RORC: variants seen among roughly 807,000 people sequenced by gnomAD.
RORC encodes RAR related orphan receptor C.
Under a neutral mutation model 64.5 loss-of-function variants are expected in RORC, and 13 were observed. The ratio of observed to expected loss-of-function variants is 0.20; its 90% CI spans 0.13 to 0.32. The LOEUF (loss-of-function observed/expected upper bound fraction) is 0.32, where lower values mean the gene tolerates loss of function less well. Ranked by LOEUF, RORC falls within the 10% of genes least tolerant of loss-of-function variation. The pLI, the probability that RORC is intolerant of heterozygous loss-of-function variation, is 1.00. For synonymous variants in RORC, 277 were observed against 259.3 expected (o/e 1.07, Z -0.65); for missense variants, 468 against 669.5 (o/e 0.70, Z 3.32).
In RORC at chr1:151,813,062, T is replaced by A. The variant is rs1651600339; in HGVS notation, c.1175-5A>T. 6.2e-7 allele frequency: 1 copy of A among 1,607,390 alleles called. No homozygotes were observed. The highest frequency in any genetic ancestry group is 1.3e-5 in the African/African-American group (1 of 74,776). On this transcript the variant is annotated splice_polypyrimidine_tract_variant and splice_region_variant and intron_variant, in intron 8 of 10. Transcript: ENST00000318247. ...AGCTGATGAGCTCGCTGCAGCCTGA[T>A]GGAGTGGAAATGAGAAAAGTGAGAG...
In RORC at chr1:151,829,420, C is replaced by G; in HGVS notation, c.70+9G>C. The G allele has an allele frequency of 6.5e-7, 1 of 1,536,296 alleles. No homozygotes were observed. ...CCAGCCATTTTCTTGCCCCGGACCC[C>G]CTACTCACAGGTGTGGGTCTTCTTT... On this transcript the variant is annotated intron_variant, in intron 2 of 10. Transcript: ENST00000318247.
At position 151,807,193 on chromosome 1, in the gene RORC, C is replaced by G. The variant is rs1427767302; in HGVS notation, c.*279G>C. 6.5e-5 allele frequency: 23 copies of G among 355,466 alleles called. No homozygotes were observed. The Admixed American group carries it at 1.0e-3, about 16-fold the overall frequency. 22.0% of individuals were successfully genotyped at this position (355,466 alleles called of 1,614,324 possible). A position where few individuals can be genotyped will look rare whatever the true frequency, so the allele number is the denominator to read the frequency against. On this transcript the variant is annotated 3_prime_UTR_variant, in exon 11 of 11. Transcript: ENST00000318247. The surrounding 1 kb of genome is among the most constrained non-coding windows in gnomAD (Gnocchi z 5.0). ...CCAGAAGTCCTTAAATCCCAGCCACCCCATGCCTTCCAGAAGCTGGGTGTG... is the reference window on the plus strand; with the variant it reads ...CCAGAAGTCCTTAAATCCCAGCCACGCCATGCCTTCCAGAAGCTGGGTGTG...
Position 151,814,621 on chromosome 1 carries a change from G to A in RORC, c.886C>T (p.Arg296Cys). 2 of 1,612,400 alleles carry A rather than the reference G, an allele frequency of 1.2e-6. No homozygotes were observed. Among genetic ancestry groups the A allele is most frequent in the Non-Finnish European group, 1.7e-6 (2 of 1,179,266 alleles). ...QLRLEDLLRQ[R>C]SNIFSREEVT... The stretch of plus-strand genomic sequence containing the variant: ...TCCTCCCGGGAGAAGATGTTGGAGC[G>A]CTGCCGCAGCAGGTCCTCCAGCCGC... The change falls in exon 6 of 11, where the codon CGC becomes TGC. Residue 296 changes from arginine to cysteine, a missense_variant. This residue lies in a region of RORC where 100 missense variants were observed against 190.8 expected (regional missense o/e 0.52). Transcript: ENST00000318247.
At chr1:151,823,736 G>A (rs1334497937) in intron 2 of RORC, among the ~76,000 whole-genome samples, 1 of 152,092 alleles carries the variant, frequency 6.6e-6, no homozygotes, top group East Asian at 1.9e-4. Context: ...GAACTCCTGG[G>A]CTCAAACGAT....
chr1:151,816,917 A>G (rs1247687978), intron 3 of RORC, 112 bp from the exon 4 acceptor site: 12 of 1,164,724 alleles, frequency 1.0e-5, no homozygotes, highest in Non-Finnish European at 1.4e-5. Context: ...ACGACCTGTC[A>G]GTTTTCTCTC....
Position 151,815,333 on chromosome 1 carries a change from C to T in RORC, c.391G>A (p.Glu131Lys). Reference protein sequence around the residue: ...QLQQRQQQQQEPVVKTPPAGA... With the variant: ...QLQQRQQQQQKPVVKTPPAGA... ...GCTGGAGGGGTCTTGACCACTGGTT[C>T]CTGTTGCTGCTGTTGCCGCTGCTGC... The change falls in exon 5 of 11, where the codon GAA becomes AAA. Residue 131 changes from glutamate to lysine, a missense_variant. By Grantham distance (56) the Glu-to-Lys change is moderately conservative. Around this residue, in one of 5 missense-constraint regions of RORC, gnomAD observed 241 missense variants for 295.5 expected, o/e 0.82. Coordinates refer to ENST00000318247, the MANE Select transcript of RORC (RefSeq NM_005060.4). 2 of 1,599,280 alleles carry T rather than the reference C, an allele frequency of 1.3e-6. No homozygotes were observed. Among genetic ancestry groups the T allele is most frequent in the Non-Finnish European group, 1.7e-6 (2 of 1,171,228 alleles).
At position 151,829,432 on chromosome 1, in the gene RORC, T is replaced by C. The variant is rs1454953785; in HGVS notation, c.67A>G (p.Thr23Ala). ...RELLAAKKTH[T>A]SQIEVIPCKI... is the part of the protein sequence containing the mutation. ...TTGCCCCGGACCCCCTACTCACAGG[T>C]GTGGGTCTTCTTTGCAGCCAGCAGC... The change falls in exon 2 of 11, where the codon ACC (threonine) becomes GCC (alanine). Residue 23 changes from threonine to alanine, a missense_variant. Physicochemically the swap from Thr to Ala is moderately conservative, Grantham distance 58. This residue lies in a region of RORC where 13 missense variants were observed against 46.0 expected (regional missense o/e 0.28). Transcript: ENST00000318247. 2.0e-6 allele frequency: 3 copies of C among 1,536,686 alleles called. No homozygotes were observed. The South Asian group carries it at 3.8e-5, about 19-fold the overall frequency.
In RORC at chr1:151,811,397, CTGTTCTACTTTCCTT is replaced by C. The variant is rs1651522975; in HGVS notation, c.1308_1322del (p.Arg437_Gln441del). ...AGGCCAGCTCCAGATTGTACTGCAG[CTGTTCTACTTTCCTT>C]TTCTCTTGGAGCCCTGGCCGATCTG... is the stretch of plus-strand genomic sequence containing the variant. On this transcript the variant is annotated inframe_deletion, in exon 10 of 11. Coordinates refer to ENST00000318247, the MANE Select transcript of RORC (RefSeq NM_005060.4). 1 of 1,613,898 alleles carries C rather than the reference CTGTTCTACTTTCCTT, an allele frequency of 6.2e-7. No individual in the cohort carries two copies. The highest frequency in any genetic ancestry group is 1.3e-5 in the African/African-American group (1 of 74,926).
chr1:151,821,825 A>C (rs1172116523), intron 2 of RORC, among the ~76,000 whole-genome samples: 1 of 152,134 alleles, frequency 6.6e-6, no homozygotes, highest in Non-Finnish European at 1.5e-5. Flanking sequence ...GAATTCACAG[A>C]GGAAACCCAC....
rs1651693846 is a variant in RORC at position 151,814,855 on chromosome 1, T to C, written c.811+58A>G. 4.4e-6 allele frequency: 7 copies of C among 1,574,320 alleles called. No individual in the cohort carries two copies. The Admixed American group carries it at 1.2e-4, about 27-fold the overall frequency. On this transcript the variant is annotated intron_variant, in intron 5 of 10. Coordinates refer to ENST00000318247, the MANE Select transcript of RORC (RefSeq NM_005060.4). ...AGGCGCATGTTTGATTGATACGGGG[T>C]ACTGGTGGAAACCCCTCCCTCATCT...
At chr1:151,809,572 G>A (rs532058310) in intron 10 of RORC, among the ~76,000 whole-genome samples, 2 of 152,154 alleles carry the variant, frequency 1.3e-5, no homozygotes, top group South Asian at 4.1e-4. Context: ...TAAAGTCCAA[G>A]TGAAAGCTGA....
chr1:151,819,429 G>A (rs1439162625), intron 2 of RORC, among the ~76,000 whole-genome samples: 1 of 152,198 alleles, frequency 6.6e-6, no homozygotes, highest in African/African-American at 2.4e-5. Context: ...GCAAGGCTGA[G>A]AGGAGCACTC....
At chr1:151,813,113 G>C (rs1651603367) in intron 8 of RORC, 56 bp from the exon 9 acceptor site, 2 of 1,480,986 alleles carry the variant, frequency 1.4e-6, no homozygotes, top group South Asian at 2.3e-5. Flanking sequence ...GGTGCCCGAG[G>C]ACACCGCCCT....
chr1:151,815,960 C>T (rs972533020), intron 4 of RORC, among the ~76,000 whole-genome samples: 5 of 152,234 alleles, frequency 3.3e-5, no homozygotes, highest in African/African-American at 1.2e-4. Context: ...CTCCCCCCGC[C>T]ACCCCTCCCA....
chr1:151,821,070 C>T (rs1207364041), intron 2 of RORC, among the ~76,000 whole-genome samples: 1 of 152,188 alleles, frequency 6.6e-6, no homozygotes, highest in Non-Finnish European at 1.5e-5. Flanking sequence ...AGTAGCTCCT[C>T]CTATGAGGGG....
chr1:151,806,540 C>A lies in RORC; in HGVS notation c.*932G>T, dbSNP rs200724431. 5 of 152,274 alleles carry A rather than the reference C, an allele frequency of 3.3e-5. No individual in the cohort carries two copies. Among genetic ancestry groups the A allele is most frequent in the Non-Finnish European group, 7.3e-5 (5 of 68,030 alleles). The allele number at this position is 152,274 out of a possible 1,614,324, so 9.4% of individuals were successfully genotyped here. A position where few individuals can be genotyped will look rare whatever the true frequency, so the allele number is the denominator to read the frequency against. ...GACCCAAGATCAGTGGACTGGAGCA[C>A]CATGGAAATGTTTGGGAGGGTCCCT... is the stretch of plus-strand genomic sequence containing the variant. On this transcript the variant is annotated 3_prime_UTR_variant, in exon 11 of 11. Coordinates refer to ENST00000318247, the MANE Select transcript of RORC (RefSeq NM_005060.4).
Position 151,814,961 on chromosome 1 carries a change from T to C in RORC, c.763A>G (p.Ser255Gly), listed in dbSNP as rs76527589. The change falls in exon 5 of 11, where the codon AGT (serine) becomes GGT (glycine). Residue 255 changes from serine to glycine, a missense_variant. By Grantham distance (56) the Ser-to-Gly change is moderately conservative. This residue lies in a region of RORC where 241 missense variants were observed against 295.5 expected (regional missense o/e 0.82). Coordinates refer to ENST00000318247, the MANE Select transcript of RORC (RefSeq NM_005060.4). Reference protein sequence around the residue: ...GQGPDSYGSPSFRSTPEAPYA... With the variant: ...GQGPDSYGSPGFRSTPEAPYA... ...GGTGCCTCCGGTGTGCTGCGGAAAC[T>C]GGGGCTGCCGTAGCTGTCTGGGCCC... is the stretch of plus-strand genomic sequence containing the variant. 3 of 1,614,094 alleles carry C rather than the reference T, an allele frequency of 1.9e-6. No individual in the cohort carries two copies. Among genetic ancestry groups the C allele is most frequent in the Admixed American group, 1.7e-5 (1 of 60,016 alleles).
At position 151,828,978 on chromosome 1, in the gene RORC, C is replaced by CA. The variant is rs371746426; in HGVS notation, c.70+450dup. 5.1e-3 allele frequency among the ~76,000 whole-genome samples: 668 copies of CA among 130,706 alleles called. 6 individuals are homozygous for CA. Among genetic ancestry groups the CA allele is most frequent in the African/African-American group, 0.019 (619 of 32,840 alleles). The allele number at this position is 130,706 out of a possible 152,430, so 85.7% of individuals were successfully genotyped here. On this transcript the variant is annotated intron_variant, in intron 2 of 10. Coordinates refer to ENST00000318247, the MANE Select transcript of RORC (RefSeq NM_005060.4). Reference sequence around the variant, plus strand: ...CAGGCGACAGTGTGAGACTCTGTCTCAAAAAAAAAAAAAAAAAGCCTGGTG... The same window carrying CA: ...CAGGCGACAGTGTGAGACTCTGTCTCAAAAAAAAAAAAAAAAAAGCCTGGTG...
intron 10 of RORC, among the ~76,000 whole-genome samples, chr1:151,808,136 A>G (rs1327307544): frequency 1.3e-5 from 2 of 152,148 alleles, no homozygotes; most frequent in Non-Finnish European, 2.9e-5. Context: ...AAAATGGTCC[A>G]ATTTGTCTGC....
Sources: gnomAD v4.1 joint callset for allele counts (sites outside exome capture counted in the v4.1 genomes callset) on GRCh38, gnomAD v4.1.1 for gene constraint, gnomAD v4.1.1 regional missense constraint, Gnocchi (gnomAD v3.1) non-coding constraint, MANE v1.5 for transcripts, NCBI Gene and HGNC (gene_info 2026-07-23, HGNC 2026-07-21) for gene names.